RBPMS: variants seen among roughly 807,000 people sequenced by gnomAD.
RBPMS encodes the protein RNA-binding protein with multiple splicing.
A neutral mutation model predicts 26.8 loss-of-function variants in RBPMS; 7 were observed. The ratio of observed to expected loss-of-function variants is 0.26; its 90% CI spans 0.15 to 0.49. The LOEUF (loss-of-function observed/expected upper bound fraction) is 0.49, where lower values mean the gene tolerates loss of function less well. Among genes scored for constraint, RBPMS ranks in the 20% least tolerant of loss-of-function variants. RBPMS has a pLI of 0.98. For missense variants in RBPMS, 186 were observed against 250.0 expected, an observed-to-expected ratio of 0.74 and a Z score of 1.73; for synonymous variants, 96 against 93.3, an observed-to-expected ratio of 1.03 and a Z score of -0.17.
intron 8 of RBPMS, among the ~76,000 whole-genome samples, chr8:30,566,972 T>G (rs912284000): frequency 2.6e-5 from 4 of 152,256 alleles, no homozygotes; most frequent in African/African-American, 9.6e-5. Flanking sequence ...CACCTGTCAC[T>G]CCTCAGTTCG....
intron 5 of RBPMS, among the ~76,000 whole-genome samples, chr8:30,518,582 C>T (rs1251835950): frequency 6.7e-6 from 1 of 149,288 alleles, no homozygotes; most frequent in South Asian, 2.1e-4. Context: ...TGCGTCACCA[C>T]GCCCAGCTAT....
At chr8:30,407,826 CA>C in intron 1 of RBPMS, among the ~76,000 whole-genome samples, 1 of 114,608 alleles carries the variant, frequency 8.7e-6, no homozygotes, top group East Asian at 2.5e-4. Flanking sequence ...TAATAAATAA[CA>C]GCCTGGATTT....
At chr8:30,483,212 C>A (rs1457815321) in intron 4 of RBPMS, among the ~76,000 whole-genome samples, 1 of 152,240 alleles carries the variant, frequency 6.6e-6, no homozygotes, top group East Asian at 1.9e-4. Flanking sequence ...TTTTGTCTTA[C>A]TGGTGTTTGG....
At chr8:30,473,285 C>G (rs777605539) in intron 1 of RBPMS, among the ~76,000 whole-genome samples, 5 of 152,176 alleles carry the variant, frequency 3.3e-5, no homozygotes, top group Non-Finnish European at 5.9e-5. Flanking sequence ...GGGATCCCAC[C>G]TCATCTTTTG....
At chr8:30,520,826 G>C (rs1424735331) in intron 5 of RBPMS, among the ~76,000 whole-genome samples, 2 of 151,792 alleles carry the variant, frequency 1.3e-5, no homozygotes, top group Non-Finnish European at 2.9e-5. Context: ...AAAGGAAATA[G>C]ATTTTTTTTT....
intron 1 of RBPMS, among the ~76,000 whole-genome samples, chr8:30,436,746 G>A (rs1450525808): frequency 6.6e-6 from 1 of 152,172 alleles, no homozygotes; most frequent in Non-Finnish European, 1.5e-5. Flanking sequence ...CTTCCATGCA[G>A]TTGTGGTTTG....
At chr8:30,472,609 A>T (rs769422994) in intron 1 of RBPMS, among the ~76,000 whole-genome samples, 3 of 152,204 alleles carry the variant, frequency 2.0e-5, no homozygotes, top group Non-Finnish European at 2.9e-5. Context: ...TTATAAATAT[A>T]TCATAAAATA....
intron 1 of RBPMS, among the ~76,000 whole-genome samples, chr8:30,466,022 T>A (rs993693232): frequency 2.0e-5 from 3 of 152,154 alleles, no homozygotes; most frequent in Non-Finnish European, 2.9e-5. Context: ...CCATTAGTCT[T>A]CCTTCTTCCC....
intron 5 of RBPMS, among the ~76,000 whole-genome samples, chr8:30,539,633 C>CA (rs1554540875): frequency 1.4e-5 from 2 of 145,022 alleles, no homozygotes; most frequent in African/African-American, 5.1e-5. Context: ...AAAATCTTTT[C>CA]TTTTTTTTTT....
Position 30,411,209 on chromosome 8 carries a change from C to G in RBPMS, c.66+26051C>G, listed in dbSNP as rs117946769. 4.2e-4 allele frequency among the ~76,000 whole-genome samples: 64 copies of G among 152,292 alleles called. 1 individual carries two copies. The East Asian group carries it at 7.9e-3, about 19-fold the overall frequency. On this transcript the variant is annotated intron_variant, in intron 1 of 8. Coordinates refer to ENST00000397323, the MANE Select transcript of RBPMS (RefSeq NM_001008710.3). ...AACTTGGGAAAAGCACTTCTCACTT[C>G]CTCCTGTATGTGTCTTTACTCCAGA...
At chr8:30,473,428 A>G (rs989891893) in intron 1 of RBPMS, among the ~76,000 whole-genome samples, 3 of 152,176 alleles carry the variant, frequency 2.0e-5, no homozygotes, top group Non-Finnish European at 4.4e-5. Context: ...ATGTATTTAC[A>G]TATGTGTCTT....
chr8:30,477,635 GT>G (rs1817840714), intron 2 of RBPMS, among the ~76,000 whole-genome samples, 163 bp from the exon 3 acceptor site: 1 of 152,138 alleles, frequency 6.6e-6, no homozygotes, highest in Non-Finnish European at 1.5e-5. Flanking sequence ...AGGTGTGTGT[GT>G]GTGTGTGCAC....
At chr8:30,415,441 C>T (rs750564526) in intron 1 of RBPMS, among the ~76,000 whole-genome samples, 15 of 152,188 alleles carry the variant, frequency 9.9e-5, no homozygotes, top group Non-Finnish European at 1.6e-4. Context: ...CTGCTTAAAA[C>T]CTTTAACTGT....
At chr8:30,485,944 C>A (rs996095847) in intron 4 of RBPMS, among the ~76,000 whole-genome samples, 3 of 152,172 alleles carry the variant, frequency 2.0e-5, no homozygotes, top group African/African-American at 4.8e-5. Context: ...TGTGAAAAAA[C>A]AAATGAAGAT....
intron 5 of RBPMS, among the ~76,000 whole-genome samples, chr8:30,523,627 G>C (rs962860982): frequency 7.3e-5 from 11 of 151,094 alleles, no homozygotes; most frequent in African/African-American, 2.0e-4. Context: ...CCTCAAAATT[G>C]TAACTGTAAA....
At chr8:30,517,237 T>TGTGTGA (rs1345600650) in intron 5 of RBPMS, among the ~76,000 whole-genome samples, 17 of 137,070 alleles carry the variant, frequency 1.2e-4, no homozygotes, top group Admixed American at 3.8e-4. Flanking sequence ...TGTGTGTGTG[T>TGTGTGA]GAAATACCAT....
chr8:30,549,325 C>T (rs1826104817), intron 6 of RBPMS, among the ~76,000 whole-genome samples: 2 of 152,316 alleles, frequency 1.3e-5, no homozygotes, highest in South Asian at 4.1e-4. Context: ...GCCTGGGATT[C>T]CTAAGGTATA....
Position 30,536,856 on chromosome 8 carries a change from G to A in RBPMS, c.398-7638G>A, listed in dbSNP as rs368574403. Among the ~76,000 whole-genome samples, 18 of 152,240 alleles carry A rather than the reference G, an allele frequency of 1.2e-4. 1 individual carries two copies. The South Asian group carries it at 1.2e-3, about 11-fold the overall frequency. On this transcript the variant is annotated intron_variant, in intron 5 of 8. Coordinates refer to ENST00000397323, the MANE Select transcript of RBPMS (RefSeq NM_001008710.3). ...CTTACCCAGGTCTCTAGCAGAGTGG[G>A]ACTGAGCAGATTTTCTTATGTTGTT...
At chr8:30,568,641 C>T (rs1409753247) in intron 8 of RBPMS, among the ~76,000 whole-genome samples, 1 of 152,212 alleles carries the variant, frequency 6.6e-6, no homozygotes, top group Non-Finnish European at 1.5e-5. Flanking sequence ...CAGGAAGGCC[C>T]CGCGAGGAGA....
Sources: allele counts gnomAD v4.1 joint callset (sites outside exome capture counted in the v4.1 genomes callset), GRCh38; gene constraint gnomAD v4.1.1; transcripts MANE v1.5; gene names NCBI Gene and HGNC (gene_info 2026-07-23, HGNC 2026-07-21).